Variants in LINGO2 observed in about 807,000 individuals in gnomAD.
LINGO2 encodes leucine rich repeat and Ig domain containing 2.
LINGO2 carries 14 observed loss-of-function variants against 30.6 expected under a neutral mutation model. That is an observed-to-expected ratio of 0.46 (90% confidence interval 0.30 to 0.72). The LOEUF (loss-of-function observed/expected upper bound fraction) is 0.72. Among genes scored for constraint, LINGO2 ranks in the 30% least tolerant of loss-of-function variants. LINGO2 has a pLI of 0.07. For synonymous variants in LINGO2, 317 were observed against 288.5 expected (o/e 1.10, Z -1.00); for missense variants, 729 against 751.7 (o/e 0.97, Z 0.35).
chr9:28,918,853 A>G, the LINGO2 span, among the ~76,000 whole-genome samples: 3 of 152,174 alleles, frequency 2.0e-5, no homozygotes, highest in Non-Finnish European at 2.9e-5. Context: ...AACAAAATCA[A>G]AATTTAAAAA....
the LINGO2 span, among the ~76,000 whole-genome samples, chr9:28,914,631 C>T: frequency 6.6e-6 from 1 of 151,824 alleles, no homozygotes; most frequent in Non-Finnish European, 1.5e-5. Flanking sequence ...TTGATATTTG[C>T]AGGATGTGAA....
chr9:28,358,242 T>C (rs972099240), intron 3 of LINGO2, among the ~76,000 whole-genome samples: 6 of 152,152 alleles, frequency 3.9e-5, no homozygotes, highest in African/African-American at 1.2e-4. Flanking sequence ...TATTATTATT[T>C]CCAATTCTAG....
downstream of LINGO2, among the ~76,000 whole-genome samples, chr9:27,946,935 CAATTT>C (rs953166480): frequency 1.3e-5 from 2 of 151,922 alleles, no homozygotes; most frequent in African/African-American, 2.4e-5. Context: ...TTATTGGGGT[CAATTT>C]AATTTTATTA....
chr9:28,543,614 G>A (rs1015458636), intron 1 of LINGO2, among the ~76,000 whole-genome samples: 10 of 152,136 alleles, frequency 6.6e-5, no homozygotes, highest in African/African-American at 2.2e-4. Flanking sequence ...GTATATGAAT[G>A]TATAAAAAAA....
At chr9:28,422,134 G>A (rs1262994545) in intron 2 of LINGO2, among the ~76,000 whole-genome samples, 1 of 151,856 alleles carries the variant, frequency 6.6e-6, no homozygotes, top group Non-Finnish European at 1.5e-5. Context: ...CAAAACCAAA[G>A]ACAAGAAAAG....
At chr9:28,027,729 G>C (rs372510130) in intron 4 of LINGO2, among the ~76,000 whole-genome samples, 126 of 152,256 alleles carry the variant, frequency 8.3e-4, no homozygotes, top group African/African-American at 2.6e-3. Context: ...AAAGTATTTA[G>C]CACAATGAAA....
At chr9:29,014,107 C>T in the LINGO2 span, among the ~76,000 whole-genome samples, 315 of 152,144 alleles carry the variant, frequency 2.1e-3, 1 homozygote, top group Middle Eastern at 0.01. Context: ...TTATCTGCTA[C>T]GAGTTATGCA....
intron 1 of LINGO2, among the ~76,000 whole-genome samples, chr9:28,515,120 C>T (rs1210943522): frequency 6.6e-6 from 1 of 152,116 alleles, no homozygotes; most frequent in Non-Finnish European, 1.5e-5. Context: ...TTAATGTTCT[C>T]TTGCCTGCAG....
the LINGO2 span, among the ~76,000 whole-genome samples, chr9:29,011,490 C>A: frequency 1.3e-5 from 2 of 152,080 alleles, no homozygotes; most frequent in African/African-American, 4.8e-5. Context: ...AGGTCTATCC[C>A]AAGATTTATA....
At chr9:28,084,297 A>T (rs1269643064) in intron 4 of LINGO2, among the ~76,000 whole-genome samples, 1 of 152,132 alleles carries the variant, frequency 6.6e-6, no homozygotes, top group African/African-American at 2.4e-5. Context: ...TAAAAGTATC[A>T]GTCACTTGGT....
intron 4 of LINGO2, among the ~76,000 whole-genome samples, chr9:28,048,467 A>C (rs970304291): frequency 2.0e-5 from 3 of 150,986 alleles, no homozygotes; most frequent in African/African-American, 7.3e-5. Context: ...AGATACCTTT[A>C]GTCACCTATT....
At chr9:28,050,976 G>A (rs926695147) in intron 4 of LINGO2, among the ~76,000 whole-genome samples, 2 of 150,958 alleles carry the variant, frequency 1.3e-5, no homozygotes, top group Non-Finnish European at 2.9e-5. Context: ...ATACTCATCA[G>A]TAAGAAGTAT....
the LINGO2 span, among the ~76,000 whole-genome samples, chr9:29,029,916 ATCT>A: frequency 1.3e-5 from 2 of 151,804 alleles, no homozygotes; most frequent in Non-Finnish European, 2.9e-5. Flanking sequence ...CATTTCACAG[ATCT>A]TCTGAAGTGT....
intron 3 of LINGO2, among the ~76,000 whole-genome samples, chr9:28,362,471 T>A (rs1211216888): frequency 1.3e-5 from 2 of 152,074 alleles, no homozygotes; most frequent in Non-Finnish European, 2.9e-5. Context: ...GCTTTCCTTT[T>A]TTTTTTTTCT....
Position 28,592,911 on chromosome 9 carries a change from C to A in LINGO2, c.-365+77289G>T, listed in dbSNP as rs114358139. On this transcript the variant is annotated intron_variant, in intron 1 of 5. Transcript: ENST00000379992. ...GTCCCCAATCCCATCTATTGGCTCT[C>A]TGCCACGTGTAACATGCCATTTGAG... is the stretch of plus-strand genomic sequence containing the variant. Among the ~76,000 whole-genome samples, 284 of 152,188 alleles carry A rather than the reference C, an allele frequency of 1.9e-3. 1 individual carries two copies. The highest frequency in any genetic ancestry group is 6.5e-3 in the African/African-American group (268 of 41,542).
chr9:29,123,907 A>C, the LINGO2 span, among the ~76,000 whole-genome samples: 1 of 152,074 alleles, frequency 6.6e-6, no homozygotes, highest in African/African-American at 2.4e-5. Context: ...AAGAATAGCC[A>C]TTATTTAAAC....
At chr9:28,059,160 C>T (rs1005736876) in intron 4 of LINGO2, among the ~76,000 whole-genome samples, 5 of 152,082 alleles carry the variant, frequency 3.3e-5, no homozygotes, top group Non-Finnish European at 7.4e-5. Flanking sequence ...GCTTCTAGCC[C>T]TAGATCGATT....
chr9:28,168,024 T>C (rs1268584196), intron 4 of LINGO2, among the ~76,000 whole-genome samples: 1 of 152,214 alleles, frequency 6.6e-6, no homozygotes, highest in Non-Finnish European at 1.5e-5. Context: ...TACTCCTTCA[T>C]CCCTGAAAAG....
chr9:28,802,642 G>A, the LINGO2 span, among the ~76,000 whole-genome samples: 87 of 152,074 alleles, frequency 5.7e-4, no homozygotes, highest in African/African-American at 1.9e-3. Flanking sequence ...AGCATGGAAC[G>A]TTACCCACCA....
Sources: gnomAD v4.1 joint callset for allele counts (sites outside exome capture counted in the v4.1 genomes callset) on GRCh38, gnomAD v4.1.1 for gene constraint, MANE v1.5 for transcripts, NCBI Gene and HGNC (gene_info 2026-07-23, HGNC 2026-07-21) for gene names.